Variants in HDAC3 observed in about 807,000 individuals in gnomAD.
The protein encoded by HDAC3 is histone deacetylase 3, also known as SMAP45.
In HDAC3, 21 loss-of-function variants were observed where a neutral mutation model predicts 62.3. That is an observed-to-expected ratio of 0.34 (90% CI 0.24 to 0.49). HDAC3 has a LOEUF of 0.49. Ranked by LOEUF, HDAC3 falls within the 20% of genes least tolerant of loss-of-function variation. The pLI, the probability that HDAC3 is intolerant of heterozygous loss-of-function variation, is 0.99. For missense variants in HDAC3, 270 were observed against 556.9 expected (o/e 0.48, Z 5.19); for synonymous variants, 198 against 206.5 (o/e 0.96, Z 0.35).
At chr5:141,622,461 G>C (rs940604726) in intron 14 of HDAC3, among the ~76,000 whole-genome samples, 1 of 152,164 alleles carries the variant, frequency 6.6e-6, no homozygotes, top group South Asian at 2.1e-4. Context: ...AAAGTTAGCC[G>C]GGTGTGGTGG....
chr5:141,628,705 A>T lies in HDAC3; in HGVS notation c.611-66T>A. 2.6e-6 allele frequency: 3 copies of T among 1,175,990 alleles called. No individual in the cohort carries two copies. The highest frequency in any genetic ancestry group is 2.5e-6 in the Non-Finnish European group (2 of 789,916). The allele number at this position is 1,175,990 out of a possible 1,614,324, so 72.8% of individuals were successfully genotyped here. A position where few individuals can be genotyped will look rare whatever the true frequency, so the allele number is the denominator to read the frequency against. On this transcript the variant is annotated intron_variant, in intron 7 of 14. Coordinates refer to ENST00000305264, the MANE Select transcript of HDAC3 (RefSeq NM_003883.4). This position sits in a 1 kb window ranked among gnomAD's most constrained non-coding sequence, Gnocchi z 4.7. ...CCCACAACCCAGCTGTTTCAGCCCC[A>T]ATCTGCACTCTGGGAGCCTCTCATT... is the stretch of plus-strand genomic sequence containing the variant.
intron 14 of HDAC3, 97 bp from the exon 15 acceptor site, chr5:141,621,634 C>T: frequency 3.3e-6 from 3 of 900,464 alleles, no homozygotes; most frequent in South Asian, 2.8e-5. Context: ...CCGTTGAGAA[C>T]CACTCCTCCT....
chr5:141,622,813 C>T (rs1015795014), intron 14 of HDAC3, among the ~76,000 whole-genome samples: 21 of 152,028 alleles, frequency 1.4e-4, no homozygotes, highest in African/African-American at 4.3e-4. Context: ...ATGTGACCTT[C>T]AGAAAGTTAC....
At chr5:141,622,082 G>A (rs2099903784) in intron 14 of HDAC3, among the ~76,000 whole-genome samples, 1 of 152,206 alleles carries the variant, frequency 6.6e-6, no homozygotes, top group Non-Finnish European at 1.5e-5. Flanking sequence ...GGAGCACTGT[G>A]CATGGAGGAG....
Position 141,629,373 on chromosome 5 carries a change from C to T in HDAC3, c.477-67G>A, listed in dbSNP as rs369894866. ...CCCCCAACCCACTCCTCTCAAACACCGGGTCTCGAATTGTGAAGAGTCTGC... is the reference window on the plus strand; with the variant it reads ...CCCCCAACCCACTCCTCTCAAACACTGGGTCTCGAATTGTGAAGAGTCTGC... On this transcript the variant is annotated intron_variant, in intron 6 of 14. Transcript: ENST00000305264. The surrounding 1 kb of genome is among the most constrained non-coding windows in gnomAD (Gnocchi z 5.3). 31 of 1,603,356 alleles carry T rather than the reference C, an allele frequency of 1.9e-5. No individual in the cohort carries two copies. The highest frequency in any genetic ancestry group is 1.9e-4 in the Middle Eastern group (1 of 5,276).
intron 14 of HDAC3, 33 bp from the exon 15 acceptor site, chr5:141,621,570 A>C (rs1438519462): frequency 1.6e-4 from 243 of 1,560,842 alleles, no homozygotes; most frequent in Non-Finnish European, 2.0e-4. Flanking sequence ...TCAGGATCTC[A>C]CTCTAAGTTC....
chr5:141,629,141 T>C lies in HDAC3; in HGVS notation c.610+32A>G, dbSNP rs2099904863. On this transcript the variant is annotated intron_variant, in intron 7 of 14. Coordinates refer to ENST00000305264, the MANE Select transcript of HDAC3 (RefSeq NM_003883.4). This position sits in a 1 kb window ranked among gnomAD's most constrained non-coding sequence, Gnocchi z 5.3. ...GCACTCATAGTAAAGAGCTGAAGGG[T>C]GCAAAGGGGAAAGTAATCCCTATTC... is the stretch of plus-strand genomic sequence containing the variant. 4 of 1,612,040 alleles carry C rather than the reference T, an allele frequency of 2.5e-6. No homozygotes were observed. Among genetic ancestry groups the C allele is most frequent in the Non-Finnish European group, 3.4e-6 (4 of 1,178,812 alleles).
In HDAC3 at chr5:141,621,457, C is replaced by A; in HGVS notation, c.*11G>T. On this transcript the variant is annotated 3_prime_UTR_variant, in exon 15 of 15. Transcript: ENST00000305264. ...AAGAAATTCCTTGGGACACAGCATC[C>A]CAAGCCACTCTTAAATCTCCACATC... is the stretch of plus-strand genomic sequence containing the variant. 6.2e-7 allele frequency: 1 copy of A among 1,613,150 alleles called. No homozygotes were observed. Among genetic ancestry groups the A allele is most frequent in the South Asian group, 1.1e-5 (1 of 91,054 alleles).
chr5:141,636,387 C>T, intron 2 of HDAC3, 161 bp downstream of exon 2: 1 of 669,158 alleles, frequency 1.5e-6, no homozygotes, highest in Non-Finnish European at 2.7e-6. Context: ...GAGGACGCCA[C>T]CCCCAACACC....
At chr5:141,635,142 G>A in intron 2 of HDAC3, 189 bp from the exon 3 acceptor site, 1 of 546,472 alleles carries the variant, frequency 1.8e-6, no homozygotes, top group South Asian at 2.6e-5. Context: ...GCCCCCTGAA[G>A]ACCACTTCTT....
intron 2 of HDAC3, 54 bp downstream of exon 2, chr5:141,636,494 T>A: frequency 6.5e-7 from 1 of 1,536,670 alleles, no homozygotes; most frequent in African/African-American, 1.4e-5. Context: ...CACCTATCCC[T>A]ACGGCCACAG....
chr5:141,624,372 CAAAAAAAAAAAAAAA>C (rs58610895), intron 14 of HDAC3, among the ~76,000 whole-genome samples: 16 of 22,096 alleles, frequency 7.2e-4, no homozygotes, highest in South Asian at 6.2e-3. Flanking sequence ...CCGTCTCTAC[CAAAAAAAAAAAAAAA>C]AAAAAAAAAA....
rs1255184693 is a variant in HDAC3, at chr5:141,629,217, G to A, written c.566C>T (p.Thr189Met). The change falls in exon 7 of 15, where the codon ACG becomes ATG. Residue 189 changes from threonine (T) to methionine (M), a missense_variant. Physicochemically the swap from Thr to Met is moderately conservative, Grantham distance 81 (BLOSUM62 -1). Transcript: ENST00000305264. This position sits in a 1 kb window ranked among gnomAD's most constrained non-coding sequence, Gnocchi z 5.3. ...ATTTCCGTATTTGTGGAAGGACACC[G>A]TCATGACCCGGTCAGTGAGGTAGAA... ...EAFYLTDRVM[T>M]VSFHKYGNYF... is the part of the protein sequence containing the mutation. 2.5e-6 allele frequency: 4 copies of A among 1,614,022 alleles called. No individual in the cohort carries two copies. The highest frequency in any genetic ancestry group is 1.6e-4 in the Middle Eastern group (1 of 6,084).
intron 3 of HDAC3, among the ~76,000 whole-genome samples, chr5:141,631,855 C>G (rs76859582): frequency 6.6e-6 from 1 of 152,006 alleles, no homozygotes; most frequent in South Asian, 2.1e-4. Context: ...AGAACAGTAC[C>G]TAGTATATAA....
chr5:141,626,155 A>G lies in HDAC3; in HGVS notation c.920+39T>C. ...CCATATCTGAGGGACACCCTAGCTC[A>G]CACTGGACAACAGGGGAGGAAATCA... On this transcript the variant is annotated intron_variant, in intron 11 of 14. Coordinates refer to ENST00000305264, the MANE Select transcript of HDAC3 (RefSeq NM_003883.4). The surrounding 1 kb of genome is among the most constrained non-coding windows in gnomAD (Gnocchi z 4.6). 3 of 1,608,096 alleles carry G rather than the reference A, an allele frequency of 1.9e-6. No individual in the cohort carries two copies. The highest frequency in any genetic ancestry group is 2.6e-6 in the Non-Finnish European group (3 of 1,174,526).
chr5:141,625,627 C>T lies in HDAC3; in HGVS notation c.1059+58G>A. The T allele has an allele frequency of 6.6e-7, 1 of 1,518,086 alleles. No individual in the cohort carries two copies. Among genetic ancestry groups the T allele is most frequent in the Non-Finnish European group, 9.2e-7 (1 of 1,092,612 alleles). 94.0% of individuals were successfully genotyped at this position (1,518,086 alleles called of 1,614,324 possible). ...TTTTCCTACTTCCCACATCTTTGACCTCTCCTGGGCTCCACCTTTCAGGAG... is the reference window on the plus strand; with the variant it reads ...TTTTCCTACTTCCCACATCTTTGACTTCTCCTGGGCTCCACCTTTCAGGAG... On this transcript the variant is annotated intron_variant, in intron 13 of 14. Transcript: ENST00000305264. The surrounding 1 kb of genome is among the most constrained non-coding windows in gnomAD (Gnocchi z 4.0).
rs2099904514 is a variant in HDAC3 at position 141,626,907 on chromosome 5, T to C, written c.831-624A>G. Among the ~76,000 whole-genome samples the C allele has an allele frequency of 6.6e-6, 1 of 151,914 alleles. No homozygotes were observed. The highest frequency in any genetic ancestry group is 1.5e-5 in the Non-Finnish European group (1 of 67,964). ...ACACCATGGCTTCCTAACTGGTCTT[T>C]CTACTTCCATCTCCATCCCCCCTAC... is the stretch of plus-strand genomic sequence containing the variant. On this transcript the variant is annotated intron_variant, in intron 10 of 14. Coordinates refer to ENST00000305264, the MANE Select transcript of HDAC3 (RefSeq NM_003883.4). The surrounding 1 kb of genome is among the most constrained non-coding windows in gnomAD (Gnocchi z 4.6).
chr5:141,623,128 AAAAG>A (rs998339409), intron 14 of HDAC3, among the ~76,000 whole-genome samples: 9 of 152,170 alleles, frequency 5.9e-5, no homozygotes, highest in African/African-American at 4.8e-5. Context: ...CGTCTCAAAA[AAAAG>A]AAAGAAAGAA....
At chr5:141,630,777 G>A (rs1449673412) in intron 3 of HDAC3, among the ~76,000 whole-genome samples, 1 of 151,870 alleles carries the variant, frequency 6.6e-6, no homozygotes, top group Non-Finnish European at 1.5e-5. Flanking sequence ...GATCTAGGTT[G>A]CAGAGAAGTT....
Sources: gnomAD v4.1 joint callset for allele counts (sites outside exome capture counted in the v4.1 genomes callset) on GRCh38, gnomAD v4.1.1 for gene constraint, Gnocchi (gnomAD v3.1) non-coding constraint, MANE v1.5 for transcripts, NCBI Gene and HGNC (gene_info 2026-07-23, HGNC 2026-07-21) for gene names.